AOC1: variants seen among roughly 807,000 people sequenced by gnomAD.
AOC1 encodes amine oxidase copper containing 1.
AOC1 carries 58 observed loss-of-function variants against 57.1 expected under a neutral mutation model. The ratio of observed to expected loss-of-function variants is 1.02; its 90% CI spans 0.82 to 1.26. The LOEUF (loss-of-function observed/expected upper bound fraction) is 1.26. Ranked by LOEUF, AOC1 falls within the 50% of genes most tolerant of loss-of-function variation. AOC1 has a pLI of 0.00. For synonymous variants in AOC1, 401 were observed against 423.4 expected, an observed-to-expected ratio of 0.95 and a Z score of 0.65; for missense variants, 917 against 1,005.3, an observed-to-expected ratio of 0.91 and a Z score of 1.19.
chr7:150,860,489 T>C lies in AOC1; in HGVS notation c.1857-12T>C. On this transcript the variant is annotated splice_polypyrimidine_tract_variant and intron_variant, in intron 3 of 4. Transcript: ENST00000360937. Reference sequence around the variant, plus strand: ...GGGCCCTGAGCCAAGCTGCTTCGCCTGTGCCTGGCAGGTACCCCCTGGCAG... The same window carrying C: ...GGGCCCTGAGCCAAGCTGCTTCGCCCGTGCCTGGCAGGTACCCCCTGGCAG... 1.9e-6 allele frequency: 3 copies of C among 1,613,968 alleles called. 1 individual carries two copies. Among genetic ancestry groups the C allele is most frequent in the Non-Finnish European group, 2.5e-6 (3 of 1,179,952 alleles).
At chr7:150,858,173 C>A in intron 2 of AOC1, 133 bp downstream of exon 2, 1 of 1,265,924 alleles carries the variant, frequency 7.9e-7, no homozygotes. Context: ...TCTGTAAAAC[C>A]TAAAGCTAGA....
At position 150,857,008 on chromosome 7, in the gene AOC1, A is replaced by G. The variant is rs1799797453; in HGVS notation, c.538A>G (p.Arg180Gly). The G allele has an allele frequency of 2.5e-6, 4 of 1,614,170 alleles. No individual in the cohort carries two copies. Among genetic ancestry groups the G allele is most frequent in the East Asian group, 4.5e-5 (2 of 44,870 alleles). The stretch of plus-strand genomic sequence containing the variant: ...CTTCTCATTCCAAGACTGCCATGAC[A>G]GATGCCTGGCCTTCACCGATGTGGC... ...TGFSFQDCHD[R>G]CLAFTDVAPR... is the part of the protein sequence containing the mutation. The change falls in exon 2 of 5, where the codon AGA (arginine) becomes GGA (glycine). Residue 180 changes from arginine (R) to glycine (G), a missense_variant. Coordinates refer to ENST00000360937, the MANE Select transcript of AOC1 (RefSeq NM_001091.4). The surrounding 1 kb of genome is among the most constrained non-coding windows in gnomAD (Gnocchi z 6.6).
intron 3 of AOC1, among the ~76,000 whole-genome samples, chr7:150,859,514 T>C (rs1360636136): frequency 6.6e-6 from 1 of 151,632 alleles, no homozygotes; most frequent in Non-Finnish European, 1.5e-5. Flanking sequence ...CCATCCTGGC[T>C]AACACGGTGA....
intron 1 of AOC1, among the ~76,000 whole-genome samples, chr7:150,854,913 G>A (rs1428820262): frequency 1.3e-5 from 2 of 152,190 alleles, no homozygotes; most frequent in Non-Finnish European, 1.5e-5. Context: ...GGGCCAGGCA[G>A]AGGTCTGAGA....
chr7:150,854,359 C>T (rs1006598993), intron 1 of AOC1, among the ~76,000 whole-genome samples: 1 of 152,152 alleles, frequency 6.6e-6, no homozygotes, highest in Non-Finnish European at 1.5e-5. Flanking sequence ...CAGCCTTTAC[C>T]GTGGCCTCCA....
In AOC1 at chr7:150,856,056, T is replaced by C. The variant is rs1799757959; in HGVS notation, c.-16-399T>C. On this transcript the variant is annotated intron_variant, in intron 1 of 4. Transcript: ENST00000360937. This position sits in a 1 kb window ranked among gnomAD's most constrained non-coding sequence, Gnocchi z 5.2. ...AAAAGGTATTTCGTTGTGTCAGAAA[T>C]GTAGTTTTGCTGTTAATACAGGTGT... is the stretch of plus-strand genomic sequence containing the variant. Among the ~76,000 whole-genome samples, 2 of 152,126 alleles carry C rather than the reference T, an allele frequency of 1.3e-5. No homozygotes were observed. The highest frequency in any genetic ancestry group is 4.8e-5 in the African/African-American group (2 of 41,428).
At position 150,856,296 on chromosome 7, in the gene AOC1, G is replaced by A. The variant is rs1312498518; in HGVS notation, c.-16-159G>A. Reference sequence around the variant, plus strand: ...CAGGCAGCGGCCCGACGGCGCTGGGGACTATGCATGGGGCCCCAGCTGCCC... The same window carrying A: ...CAGGCAGCGGCCCGACGGCGCTGGGAACTATGCATGGGGCCCCAGCTGCCC... On this transcript the variant is annotated intron_variant, in intron 1 of 4. Transcript: ENST00000360937. This position sits in a 1 kb window ranked among gnomAD's most constrained non-coding sequence, Gnocchi z 5.2. Among the ~76,000 whole-genome samples, 5 of 152,222 alleles carry A rather than the reference G, an allele frequency of 3.3e-5. No homozygotes were observed. Among genetic ancestry groups the A allele is most frequent in the Non-Finnish European group, 5.9e-5 (4 of 68,034 alleles).
Position 150,856,425 on chromosome 7 carries a change from A to G in AOC1, c.-16-30A>G. 1 of 1,563,614 alleles carries G rather than the reference A, an allele frequency of 6.4e-7. No homozygotes were observed. On this transcript the variant is annotated intron_variant, in intron 1 of 4. Coordinates refer to ENST00000360937, the MANE Select transcript of AOC1 (RefSeq NM_001091.4). This position sits in a 1 kb window ranked among gnomAD's most constrained non-coding sequence, Gnocchi z 5.2. ...GAAGCCCATCTCTGCCCATAAGACA[A>G]CTAAGTTCATCTCCTCTATTGCATT...
rs201145932 is a variant in AOC1, at chr7:150,857,638, G to A, written c.1168G>A (p.Asp390Asn). 1.3e-4 allele frequency: 203 copies of A among 1,614,056 alleles called. 2 individuals carry two copies. The highest frequency in any genetic ancestry group is 1.6e-4 in the Non-Finnish European group (185 of 1,180,004). ...CACTCATGAGTTAGCCCCCGGCATC[G>A]ACTGCCCGGAGACCGCCACCTTCCT... ...SVTHELAPGI[D>N]CPETATFLDT... is the part of the protein sequence containing the mutation. The change falls in exon 2 of 5, where the codon GAC becomes AAC. Residue 390 changes from aspartate (D) to asparagine (N), a missense_variant. By Grantham distance (23) the Asp-to-Asn change is conservative. Coordinates refer to ENST00000360937, the MANE Select transcript of AOC1 (RefSeq NM_001091.4). The surrounding 1 kb of genome is among the most constrained non-coding windows in gnomAD (Gnocchi z 6.6).
At position 150,860,339 on chromosome 7, in the gene AOC1, G is replaced by A. The variant is rs138040175; in HGVS notation, c.1857-162G>A. The A allele has an allele frequency of 2.3e-4, 299 of 1,291,924 alleles. 1 individual carries two copies. In the African/African-American group the frequency reaches 2.4e-3, roughly 10 times the overall value. The allele number at this position is 1,291,924 out of a possible 1,614,324, so 80.0% of individuals were successfully genotyped here. On this transcript the variant is annotated intron_variant, in intron 3 of 4. Transcript: ENST00000360937. ...GGACTCCTGTGGGTCACCTGAACCCGGTTAACAGCAGCCCGTCCTGCTGAC... is the reference window on the plus strand; with the variant it reads ...GGACTCCTGTGGGTCACCTGAACCCAGTTAACAGCAGCCCGTCCTGCTGAC...
Position 150,857,947 on chromosome 7 carries a change from G to T in AOC1, c.1477G>T (p.Glu493Ter). 1 of 1,608,156 alleles carries T rather than the reference G, an allele frequency of 6.2e-7. No individual in the cohort carries two copies. Residue 493 changes from glutamate (E) to a stop codon, truncating the protein, a stop_gained, in exon 2 of 5, where the codon GAG becomes TAG. Coordinates refer to ENST00000360937, the MANE Select transcript of AOC1 (RefSeq NM_001091.4). LOFTEE classifies it high-confidence loss of function. This position sits in a 1 kb window ranked among gnomAD's most constrained non-coding sequence, Gnocchi z 6.6. ...CGTCCACGCCACCTTCTACACCCCC[G>T]AGGGGCTGCGCCACGGCACTCGCCT... ...GYVHATFYTP[E>*]GLRHGTRLHT...
chr7:150,859,374 T>C (rs1242892863), intron 3 of AOC1, among the ~76,000 whole-genome samples: 1 of 152,126 alleles, frequency 6.6e-6, no homozygotes, highest in Non-Finnish European at 1.5e-5. Flanking sequence ...TACTGTGTTC[T>C]TACAATAAAG....
chr7:150,859,473 G>A (rs369133027), intron 3 of AOC1, among the ~76,000 whole-genome samples: 1 of 152,074 alleles, frequency 6.6e-6, no homozygotes, highest in Non-Finnish European at 1.5e-5. Flanking sequence ...GGAAGCTGAG[G>A]CAGACAGATC....
At position 150,856,983 on chromosome 7, in the gene AOC1, C is replaced by G. The variant is rs761392558; in HGVS notation, c.513C>G (p.Gly171=). Residue 171 remains glycine, a synonymous_variant, in exon 2 of 5, where the codon GGC becomes GGG. Coordinates refer to ENST00000360937, the MANE Select transcript of AOC1 (RefSeq NM_001091.4). The surrounding 1 kb of genome is among the most constrained non-coding windows in gnomAD (Gnocchi z 5.2). ...PLHQFFLNTT[G]FSFQDCHDRC... ...ATCAGTTCTTCCTCAATACCACAGG[C>G]TTCTCATTCCAAGACTGCCATGACA... The G allele has an allele frequency of 6.2e-7, 1 of 1,614,218 alleles. No individual in the cohort carries two copies. The highest frequency in any genetic ancestry group is 1.7e-5 in the Admixed American group (1 of 60,034).
chr7:150,854,734 A>T (rs1483374700), intron 1 of AOC1, among the ~76,000 whole-genome samples: 1 of 152,228 alleles, frequency 6.6e-6, no homozygotes, highest in Non-Finnish European at 1.5e-5. Context: ...CAAAAGCAAG[A>T]AATGAAAAGC....
chr7:150,858,186 T>C (rs1799854130), intron 2 of AOC1, 146 bp downstream of exon 2: 1 of 1,189,834 alleles, frequency 8.4e-7, no homozygotes. Context: ...AAGCTAGAAA[T>C]TTGTGTGTCC....
chr7:150,860,535 G>A lies in AOC1; in HGVS notation c.1891G>A (p.Glu631Lys). 5 of 1,614,040 alleles carry A rather than the reference G, an allele frequency of 3.1e-6. No individual in the cohort carries two copies. The highest frequency in any genetic ancestry group is 4.2e-6 in the Non-Finnish European group (5 of 1,179,930). Residue 631 changes from glutamate (E) to lysine (K), a missense_variant, in exon 4 of 5, where the codon GAG becomes AAG. Transcript: ENST00000360937. Reference protein sequence around the residue: ...PLAVTKYRESELCSSSIYHQN... With the variant: ...PLAVTKYRESKLCSSSIYHQN... ...GGCAGTGACCAAGTACCGGGAGTCG[G>A]AGCTGTGCAGCAGCAGCATCTACCA...
intron 4 of AOC1, 81 bp from the exon 5 acceptor site, chr7:150,860,862 C>G: frequency 6.6e-7 from 1 of 1,521,622 alleles, no homozygotes; most frequent in Non-Finnish European, 8.8e-7. Flanking sequence ...CCAGGCAGAA[C>G]TGAAAATGAC....
intron 3 of AOC1, among the ~76,000 whole-genome samples, chr7:150,860,126 C>G (rs549873143): frequency 6.6e-6 from 1 of 151,652 alleles, no homozygotes; most frequent in Non-Finnish European, 1.5e-5. Flanking sequence ...TTGCAGTGAG[C>G]CAAGATCGCA....
Sources: allele counts gnomAD v4.1 joint callset (sites outside exome capture counted in the v4.1 genomes callset), GRCh38; gene constraint gnomAD v4.1.1; non-coding constraint Gnocchi (gnomAD v3.1); transcripts MANE v1.5; gene names NCBI Gene and HGNC (gene_info 2026-07-23, HGNC 2026-07-21).